Variants in PRUNE2 observed in about 807,000 individuals in gnomAD.
The protein encoded by PRUNE2 is protein prune homolog 2.
PRUNE2 carries 164 observed loss-of-function variants against 252.0 expected under a neutral mutation model. The observed-to-expected ratio is 0.65, with a 90% CI of 0.57 to 0.74. The LOEUF is 0.74. PRUNE2 is among the 30% of genes least tolerant of loss of function. PRUNE2 has a pLI of 0.00. For missense variants in PRUNE2, 3,495 were observed against 3,711.0 expected (o/e 0.94, Z 1.51); for synonymous variants, 1,292 against 1,350.2 (o/e 0.96, Z 0.94).
intron 2 of PRUNE2, among the ~76,000 whole-genome samples, chr9:76,852,806 G>GTCTA (rs71354689): frequency 0.3 from 22,478 of 76,170 alleles, 1,749 homozygotes; most frequent in Middle Eastern, 0.31. Context: ...CTGTCTGTCT[G>GTCTA]TCTATCTATC....
At chr9:76,812,032 A>C (rs761904273) in intron 6 of PRUNE2, among the ~76,000 whole-genome samples, 4 of 152,212 alleles carry the variant, frequency 2.6e-5, no homozygotes, top group Non-Finnish European at 5.9e-5. Flanking sequence ...GATCAAACTG[A>C]CATGGAAAAT....
chr9:76,647,312 G>T (rs1845334271), intron 11 of PRUNE2, among the ~76,000 whole-genome samples: 1 of 152,228 alleles, frequency 6.6e-6, no homozygotes, highest in African/African-American at 2.4e-5. Flanking sequence ...ACATAGTGCT[G>T]AAATAACTGG....
At chr9:76,750,394 A>T (rs2050509817) in intron 6 of PRUNE2, among the ~76,000 whole-genome samples, 1 of 152,174 alleles carries the variant, frequency 6.6e-6, no homozygotes, top group African/African-American at 2.4e-5. Flanking sequence ...ATTTAATTGA[A>T]TTACAGAACA....
chr9:76,899,511 C>T (rs909830223), intron 1 of PRUNE2, among the ~76,000 whole-genome samples: 1 of 152,136 alleles, frequency 6.6e-6, no homozygotes, highest in African/African-American at 2.4e-5. Flanking sequence ...AAATCTAAAC[C>T]TGGCCCTCCG....
intron 18 of PRUNE2, among the ~76,000 whole-genome samples, chr9:76,618,693 A>G: frequency 6.6e-6 from 1 of 152,202 alleles, no homozygotes. Context: ...GCTCTGGGCC[A>G]TTTTTACAGC....
At chr9:76,790,571 C>G (rs2055454775) in intron 6 of PRUNE2, among the ~76,000 whole-genome samples, 1 of 152,098 alleles carries the variant, frequency 6.6e-6, no homozygotes, top group Admixed American at 6.6e-5. Flanking sequence ...ACCCTGACTC[C>G]CAGGAAAGCT....
rs905429109 is a variant in PRUNE2, at chr9:76,905,825, G to A, written c.36+103C>T. On this transcript the variant is annotated intron_variant, in intron 1 of 18. Transcript: ENST00000376718. ...AACCCGCACACCCTGATAACTCCGT[G>A]GCAAAGTTGTTTCTTCCTCCTCTGC... is the stretch of plus-strand genomic sequence containing the variant. The A allele has an allele frequency of 5.5e-6, 8 of 1,464,170 alleles. No homozygotes were observed. In the African/African-American group the frequency reaches 1.1e-4, roughly 20 times the overall value. The allele number at this position is 1,464,170 out of a possible 1,614,324, so 90.7% of individuals were successfully genotyped here. A position where few individuals can be genotyped will look rare whatever the true frequency, so the allele number is the denominator to read the frequency against.
intron 14 of PRUNE2, among the ~76,000 whole-genome samples, chr9:76,636,973 ATGTG>A (rs71354667): frequency 3.6e-3 from 527 of 145,494 alleles, no homozygotes; most frequent in South Asian, 9.4e-3. Flanking sequence ...AACAACAAAA[ATGTG>A]TGTGTGTGTG....
intron 6 of PRUNE2, among the ~76,000 whole-genome samples, chr9:76,760,308 C>A (rs557359062): frequency 6.6e-6 from 1 of 152,162 alleles, no homozygotes; most frequent in Middle Eastern, 3.2e-3. Flanking sequence ...TTCCCTGGTA[C>A]CCTTTTGTCC....
Position 76,613,842 on chromosome 9 carries a change from CAGAG to C in PRUNE2, c.*724_*727del, listed in dbSNP as rs979863953. On this transcript the variant is annotated 3_prime_UTR_variant, in exon 19 of 19. Coordinates refer to ENST00000376718, the MANE Select transcript of PRUNE2 (RefSeq NM_015225.3). ...GGAGCTGAGTTTATGGCCTGAAACTCAGAGAGCTACCAAACATGCAACACGGATT... is the reference window on the plus strand; with the variant it reads ...GGAGCTGAGTTTATGGCCTGAAACTCAGCTACCAAACATGCAACACGGATT... 1 of 152,136 alleles carries C rather than the reference CAGAG, an allele frequency of 6.6e-6. No homozygotes were observed. The highest frequency in any genetic ancestry group is 1.5e-5 in the Non-Finnish European group (1 of 68,034). 9.4% of individuals were successfully genotyped at this position (152,136 alleles called of 1,614,324 possible).
intron 1 of PRUNE2, among the ~76,000 whole-genome samples, chr9:76,905,320 T>C (rs1360727275): frequency 6.6e-6 from 1 of 152,144 alleles, no homozygotes; most frequent in African/African-American, 2.4e-5. Flanking sequence ...TCTGGTAAAC[T>C]CCAGAACACC....
At chr9:76,796,967 T>C (rs1000456598) in intron 6 of PRUNE2, among the ~76,000 whole-genome samples, 2 of 152,154 alleles carry the variant, frequency 1.3e-5, no homozygotes, top group Admixed American at 6.5e-5. Flanking sequence ...TGGCTCTGTC[T>C]CTCTGAAGAA....
At chr9:76,817,139 A>C (rs2057743787) in intron 6 of PRUNE2, among the ~76,000 whole-genome samples, 1 of 152,008 alleles carries the variant, frequency 6.6e-6, no homozygotes, top group Non-Finnish European at 1.5e-5. Context: ...GGATTGCTTA[A>C]GGATGTCTAG....
At chr9:76,860,144 G>T (rs2060472066) in intron 1 of PRUNE2, among the ~76,000 whole-genome samples, 1 of 152,146 alleles carries the variant, frequency 6.6e-6, no homozygotes, top group Non-Finnish European at 1.5e-5. Context: ...CAGGACCAGG[G>T]GGTGTTTCTC....
chr9:76,620,674 GTC>G (rs1379576788), intron 17 of PRUNE2, among the ~76,000 whole-genome samples: 3 of 152,044 alleles, frequency 2.0e-5, no homozygotes, highest in Non-Finnish European at 4.4e-5. Context: ...CTTGCTGGTG[GTC>G]TGATATTTTT....
At chr9:76,854,278 T>A in intron 1 of PRUNE2, 70 bp from the exon 2 acceptor site, 2 of 794,536 alleles carry the variant, frequency 2.5e-6, no homozygotes, top group Non-Finnish European at 4.0e-6. Flanking sequence ...TTTTTAATAT[T>A]TTAAAAAAGT....
At position 76,633,530 on chromosome 9, in the gene PRUNE2, C is replaced by T. The variant is rs1369863881; in HGVS notation, c.9050+2941G>A. On this transcript the variant is annotated intron_variant, in intron 15 of 18. Coordinates refer to ENST00000376718, the MANE Select transcript of PRUNE2 (RefSeq NM_015225.3). The stretch of plus-strand genomic sequence containing the variant: ...TGGGAAGGCAGAGGTTGCAGTGAGC[C>T]GAGATCGCACCACAGCACTCCAGCC... Among the ~76,000 whole-genome samples, 6 of 148,452 alleles carry T rather than the reference C, an allele frequency of 4.0e-5. No homozygotes were observed. The South Asian group carries it at 8.6e-4, about 21-fold the overall frequency.
At position 76,704,899 on chromosome 9, in the gene PRUNE2, G is replaced by T; in HGVS notation, c.7375C>A (p.His2459Asn). 6.2e-7 allele frequency: 1 copy of T among 1,610,376 alleles called. No homozygotes were observed. The highest frequency in any genetic ancestry group is 2.2e-5 in the East Asian group (1 of 44,824). ...ACGGACTCAGGGTCTTCACGAATAT[G>T]CAGCACAGCCAGCTGGGATCCAGGC... Reference protein sequence around the residue: ...RLPGSQLAVLHIREDPESVYL... With the variant: ...RLPGSQLAVLNIREDPESVYL... The change falls in exon 8 of 19, where the codon CAT (histidine) becomes AAT (asparagine). Residue 2459 changes from histidine (H) to asparagine (N), a missense_variant. Coordinates refer to ENST00000376718, the MANE Select transcript of PRUNE2 (RefSeq NM_015225.3).
At chr9:76,763,195 A>G (rs1166807536) in intron 6 of PRUNE2, among the ~76,000 whole-genome samples, 4 of 152,236 alleles carry the variant, frequency 2.6e-5, no homozygotes, top group Non-Finnish European at 5.9e-5. Flanking sequence ...CTGGAAGTCA[A>G]GTCAATTACT....
Sources: allele counts gnomAD v4.1 joint callset (sites outside exome capture counted in the v4.1 genomes callset), GRCh38; gene constraint gnomAD v4.1.1; transcripts MANE v1.5; gene names NCBI Gene and HGNC (gene_info 2026-07-23, HGNC 2026-07-21).